Variants in VAPA observed in about 807,000 individuals in gnomAD.
The protein encoded by VAPA is vesicle-associated membrane protein-associated protein A.
Under a neutral mutation model 25.6 loss-of-function variants are expected in VAPA, and 6 were observed. That is an observed-to-expected ratio of 0.23 (90% CI 0.13 to 0.46). VAPA has a LOEUF of 0.46. VAPA is among the 20% of genes least tolerant of loss of function. VAPA has a pLI of 0.99. For synonymous variants in VAPA, 112 were observed against 106.2 expected, an observed-to-expected ratio of 1.05 and a Z score of -0.34; for missense variants, 244 against 302.1, an observed-to-expected ratio of 0.81 and a Z score of 1.43.
In VAPA at chr18:9,959,748, T is replaced by C. The variant is rs924265882; in HGVS notation, c.*5537T>C. On this transcript the variant is annotated 3_prime_UTR_variant, in exon 6 of 6. Transcript: ENST00000400000. ...AAAAAAAAAAAAAAAAAAAAAAAAA[T>C]GTGGAGGGTTGAAATGGTAAGGAAT... The C allele has an allele frequency of 9.7e-6, 1 of 103,490 alleles. No homozygotes were observed. The highest frequency in any genetic ancestry group is 4.1e-5 in the African/African-American group (1 of 24,556). The allele number at this position is 103,490 out of a possible 1,614,324, so 6.4% of individuals were successfully genotyped here.
intron 1 of VAPA, among the ~76,000 whole-genome samples, chr18:9,919,923 C>G (rs77339296): frequency 6.6e-6 from 1 of 152,122 alleles, no homozygotes; most frequent in African/African-American, 2.4e-5. Flanking sequence ...AGTGGTGACC[C>G]CTTGGACTGA....
At chr18:9,937,814 A>C (rs1006581389) in intron 4 of VAPA, among the ~76,000 whole-genome samples, 1 of 152,158 alleles carries the variant, frequency 6.6e-6, no homozygotes, top group Admixed American at 6.5e-5. Context: ...ATTTGGTTAC[A>C]ATCTGACATG....
At chr18:9,942,809 A>G (rs1430368790) in intron 4 of VAPA, among the ~76,000 whole-genome samples, 1 of 152,140 alleles carries the variant, frequency 6.6e-6, no homozygotes, top group Non-Finnish European at 1.5e-5. Flanking sequence ...TGTCATGGGG[A>G]TGGTGCTAAA....
At chr18:9,948,677 C>T (rs2069453245) in intron 4 of VAPA, 1 of 152,182 alleles carries the variant, frequency 6.6e-6, no homozygotes, top group Non-Finnish European at 1.5e-5. Flanking sequence ...CAAGCCACCT[C>T]AGTCTCATGA....
chr18:9,915,901 C>G (rs192529475), intron 1 of VAPA: 65 of 152,152 alleles, frequency 4.3e-4, no homozygotes, highest in African/African-American at 1.5e-3. Context: ...GTAGTTGTAG[C>G]TGGGGGAAAA....
At chr18:9,932,941 T>C (rs1221743836) in intron 2 of VAPA, among the ~76,000 whole-genome samples, 5 of 152,056 alleles carry the variant, frequency 3.3e-5, no homozygotes, top group Non-Finnish European at 7.4e-5. Context: ...ACCCCATCTC[T>C]ACTAAAAATA....
At chr18:9,916,193 C>A (rs926144050) in intron 1 of VAPA, among the ~76,000 whole-genome samples, 1 of 152,062 alleles carries the variant, frequency 6.6e-6, no homozygotes, top group Non-Finnish European at 1.5e-5. Flanking sequence ...AGTGGAGAAG[C>A]AAGTTTAAAA....
chr18:9,943,840 C>CTTTTTTTTTT (rs1281083775), intron 4 of VAPA, among the ~76,000 whole-genome samples: 1 of 90,480 alleles, frequency 1.1e-5, no homozygotes, highest in Non-Finnish European at 2.4e-5. Flanking sequence ...GACATATTTC[C>CTTTTTTTTTT]CTTTTTTTTT....
intron 4 of VAPA, chr18:9,945,012 A>G: frequency 1.9e-6 from 3 of 1,614,192 alleles, no homozygotes; most frequent in Non-Finnish European, 2.5e-6. Context: ...TATCACACGA[A>G]GGATGACCCC....
chr18:9,928,063 A>G (rs975904620), intron 1 of VAPA, among the ~76,000 whole-genome samples: 18 of 152,152 alleles, frequency 1.2e-4, no homozygotes, highest in Admixed American at 5.9e-4. Context: ...ATAAGTTTCT[A>G]TCAATACTTT....
chr18:9,928,903 A>G (rs959426221), intron 1 of VAPA, among the ~76,000 whole-genome samples: 2 of 152,200 alleles, frequency 1.3e-5, no homozygotes, highest in African/African-American at 4.8e-5. Context: ...TTATCCGAGT[A>G]GTACTGACAG....
intron 2 of VAPA, 70 bp from the exon 3 acceptor site, chr18:9,936,040 G>T: frequency 9.1e-7 from 1 of 1,100,034 alleles, no homozygotes; most frequent in Non-Finnish European, 1.3e-6. Flanking sequence ...AATTTAATCT[G>T]TAACTGTTTC....
At chr18:9,920,769 C>G (rs1214761972) in intron 1 of VAPA, among the ~76,000 whole-genome samples, 1 of 152,246 alleles carries the variant, frequency 6.6e-6, no homozygotes, top group African/African-American at 2.4e-5. Context: ...AGTGTCTATT[C>G]TTTTTCTTCT....
intron 4 of VAPA, among the ~76,000 whole-genome samples, chr18:9,946,407 T>C (rs776167898): frequency 1.6e-4 from 25 of 152,096 alleles, no homozygotes; most frequent in Non-Finnish European, 3.4e-4. Flanking sequence ...TGGCCCATGA[T>C]GGCTTTGAAT....
intron 1 of VAPA, among the ~76,000 whole-genome samples, chr18:9,923,470 G>C (rs1158841161): frequency 6.6e-6 from 1 of 152,136 alleles, no homozygotes; most frequent in East Asian, 1.9e-4. Context: ...AATTTCTCAT[G>C]GGCCTATGTT....
Position 9,957,936 on chromosome 18 carries a change from T to C in VAPA, c.*3725T>C, listed in dbSNP as rs1770239484. 1 of 152,246 alleles carries C rather than the reference T, an allele frequency of 6.6e-6. No homozygotes were observed. The highest frequency in any genetic ancestry group is 2.4e-5 in the African/African-American group (1 of 41,474). 9.4% of individuals were successfully genotyped at this position (152,246 alleles called of 1,614,324 possible). A position where few individuals can be genotyped will look rare whatever the true frequency, so the allele number is the denominator to read the frequency against. ...CCACCACGCTTCTTCGCGTAAGCAGTGGCATCTTGGGAATGAATGCCCAGC... is the reference window on the plus strand; with the variant it reads ...CCACCACGCTTCTTCGCGTAAGCAGCGGCATCTTGGGAATGAATGCCCAGC... On this transcript the variant is annotated 3_prime_UTR_variant, in exon 6 of 6. Transcript: ENST00000400000.
At chr18:9,942,783 C>G (rs2069379225) in intron 4 of VAPA, among the ~76,000 whole-genome samples, 1 of 152,106 alleles carries the variant, frequency 6.6e-6, no homozygotes, top group South Asian at 2.1e-4. Context: ...CATGAGAACT[C>G]TTATCATGGG....
rs754549626 is a variant in VAPA, at chr18:9,945,095, T to C, written c.418-5300T>C. On this transcript the variant is annotated intron_variant, in intron 4 of 5. Transcript: ENST00000400000. ...GGAGTTAACAGACTTAGGAGTCTAC[T>C]AGTGTCAATGGTTAAGTTAATGTAG... 27 of 1,607,312 alleles carry C rather than the reference T, an allele frequency of 1.7e-5. No homozygotes were observed. In the South Asian group the frequency reaches 2.9e-4, roughly 17 times the overall value.
At position 9,914,290 on chromosome 18, in the gene VAPA, G is replaced by A. The variant is rs749781397; in HGVS notation, c.34G>A (p.Glu12Lys). Residue 12 changes from glutamate to lysine, a missense_variant, in exon 1 of 6, where the codon GAG becomes AAG. Physicochemically the swap from Glu to Lys is moderately conservative, Grantham distance 56. Around this residue, in one of 2 missense-constraint regions of VAPA, gnomAD observed 99 missense variants for 161.6 expected, o/e 0.61. Transcript: ENST00000400000. ...CGCCTCAGGGGCCATGGCGAAGCAC[G>A]AGCAGATCCTGGTCCTCGATCCGCC... ...ASASGAMAKH[E>K]QILVLDPPTD... is the part of the protein sequence containing the mutation. 1 of 1,591,486 alleles carries A rather than the reference G, an allele frequency of 6.3e-7. No homozygotes were observed. Among genetic ancestry groups the A allele is most frequent in the Non-Finnish European group, 8.5e-7 (1 of 1,170,186 alleles).
Sources: gnomAD v4.1 joint callset for allele counts (sites outside exome capture counted in the v4.1 genomes callset) on GRCh38, gnomAD v4.1.1 for gene constraint, gnomAD v4.1.1 regional missense constraint, MANE v1.5 for transcripts, NCBI Gene and HGNC (gene_info 2026-07-23, HGNC 2026-07-21) for gene names.